Variants in CACNA1A observed in about 807,000 individuals in gnomAD.
The protein encoded by CACNA1A is calcium voltage-gated channel subunit alpha1 A, also known as voltage-dependent P/Q-type calcium channel subunit alpha-1A.
A neutral mutation model predicts 262.4 loss-of-function variants in CACNA1A; 57 were observed. The observed-to-expected ratio is 0.22, with a 90% CI of 0.18 to 0.27. CACNA1A has a LOEUF of 0.27. Ranked by LOEUF, CACNA1A falls within the 10% of genes least tolerant of loss-of-function variation. The pLI, the probability that CACNA1A is intolerant of heterozygous loss-of-function variation, is 1.00. For missense variants in CACNA1A, 2,526 were observed against 3,562.8 expected, an observed-to-expected ratio of 0.71 and a Z score of 7.41; for synonymous variants, 1,431 against 1,419.3, an observed-to-expected ratio of 1.01 and a Z score of -0.18.
chr19:13,398,976 T>C (rs971871776), intron 3 of CACNA1A, among the ~76,000 whole-genome samples: 1 of 152,064 alleles, frequency 6.6e-6, no homozygotes, highest in African/African-American at 2.4e-5. Context: ...CAGGAAACAA[T>C]ATTACATTCC....
intron 4 of CACNA1A, among the ~76,000 whole-genome samples, chr19:13,367,729 A>G (rs2059242541): frequency 6.6e-6 from 1 of 152,036 alleles, no homozygotes. Flanking sequence ...TTCCATCTCA[A>G]AAAGAAAGAA....
chr19:13,322,226 C>T (rs2058270526), intron 10 of CACNA1A, among the ~76,000 whole-genome samples: 1 of 144,870 alleles, frequency 6.9e-6, no homozygotes, highest in South Asian at 2.2e-4. Context: ...AAAAAGAAAT[C>T]GCATACAGAA....
At position 13,391,863 on chromosome 19, in the gene CACNA1A, C is replaced by G. The variant is rs369958687; in HGVS notation, c.540-20084G>C. On this transcript the variant is annotated intron_variant, in intron 3 of 46. Coordinates refer to ENST00000360228, the MANE Select transcript of CACNA1A (RefSeq NM_001127222.2). ...ACCAGCCTGGGCAACATGGTGAAACCTGGTCTCTACAAGAAGTACAAAAAT... is the reference window on the plus strand; with the variant it reads ...ACCAGCCTGGGCAACATGGTGAAACGTGGTCTCTACAAGAAGTACAAAAAT... Among the ~76,000 whole-genome samples, 29 of 151,934 alleles carry G rather than the reference C, an allele frequency of 1.9e-4. No homozygotes were observed. In the South Asian group the frequency reaches 5.6e-3, roughly 29 times the overall value.
rs776805898 is a variant in CACNA1A, at chr19:13,299,361, G to A, written c.2280-8C>T. On this transcript the variant is annotated splice_region_variant and splice_polypyrimidine_tract_variant and intron_variant, in intron 18 of 46. Coordinates refer to ENST00000360228, the MANE Select transcript of CACNA1A (RefSeq NM_001127222.2). ...TTCTTCTGTTGCTCTTTCCTGCAGTGGCATGGTCACAGGACTTAGAGCATT... is the reference window on the plus strand; with the variant it reads ...TTCTTCTGTTGCTCTTTCCTGCAGTAGCATGGTCACAGGACTTAGAGCATT... The A allele has an allele frequency of 1.3e-6, 2 of 1,598,570 alleles. No individual in the cohort carries two copies. The highest frequency in any genetic ancestry group is 1.7e-5 in the Admixed American group (1 of 59,978).
At chr19:13,393,813 T>TTCCCTCCCTCCTTC (rs1265391162) in intron 3 of CACNA1A, among the ~76,000 whole-genome samples, 1 of 93,116 alleles carries the variant, frequency 1.1e-5, no homozygotes, top group Non-Finnish European at 2.1e-5. Context: ...CTCCTTCCTC[T>TTCCCTCCCTCCTTC]CTCTCTCTCT....
chr19:13,455,992 A>C (rs1044828622), intron 1 of CACNA1A, among the ~76,000 whole-genome samples: 2 of 151,912 alleles, frequency 1.3e-5, no homozygotes, highest in African/African-American at 4.8e-5. Flanking sequence ...TCTACTAAAA[A>C]TACAAAAATT....
intron 6 of CACNA1A, among the ~76,000 whole-genome samples, chr19:13,338,379 G>A (rs1471146317): frequency 3.3e-5 from 5 of 152,134 alleles, no homozygotes; most frequent in African/African-American, 1.2e-4. Context: ...CCAACACCCA[G>A]TAATTCTTGG....
In CACNA1A at chr19:13,208,961, G is replaced by A. The variant is rs1325697290; in HGVS notation, c.6575C>T (p.Ser2192Leu). The A allele has an allele frequency of 2.7e-5, 42 of 1,537,486 alleles. No homozygotes were observed. Among genetic ancestry groups the A allele is most frequent in the Non-Finnish European group, 3.4e-5 (39 of 1,146,904 alleles). ...SMTTQSGDLP[S>L]KERDQERGRP... is the part of the protein sequence containing the mutation. ...GCCCCGCTCCTGGTCCCGCTCCTTC[G>A]ACGGCAGGTCCCCGGATTGGGTGGT... is the stretch of plus-strand genomic sequence containing the variant. The change falls in exon 46 of 47, where the codon TCG (serine) becomes TTG (leucine). Residue 2192 changes from serine to leucine, a missense_variant. Ser to Leu is a moderately radical substitution (Grantham distance 145, BLOSUM62 -2). This residue lies in a region of CACNA1A where 929 missense variants were observed against 868.1 expected (regional missense o/e 1.07). Transcript: ENST00000360228.
At chr19:13,280,637 A>G (rs949965323) in intron 22 of CACNA1A, among the ~76,000 whole-genome samples, 1 of 152,128 alleles carries the variant, frequency 6.6e-6, no homozygotes, top group African/African-American at 2.4e-5. Context: ...ATCTCAAAAC[A>G]GCATCATAAA....
chr19:13,359,757 T>G lies in CACNA1A; in HGVS notation c.827A>C (p.Glu276Ala). 6.4e-7 allele frequency: 1 copy of G among 1,556,198 alleles called. No homozygotes were observed. The highest frequency in any genetic ancestry group is 8.7e-7 in the Non-Finnish European group (1 of 1,149,320). The change falls in exon 6 of 47, where the codon GAG (glutamate) becomes GCG (alanine). Residue 276 changes from glutamate to alanine, a missense_variant. By Grantham distance (107) the Glu-to-Ala change is moderately radical. Transcript: ENST00000360228. ...GESPAPCGTE[E>A]PARTCPNGTK... The stretch of plus-strand genomic sequence containing the variant: ...CCCATTGGGGCAGGTGCGGGCGGGC[T>G]CTTCTGTCCCACATGGAGCCGGAGA...
intron 3 of CACNA1A, among the ~76,000 whole-genome samples, chr19:13,450,173 G>T (rs8102346): frequency 0.18 from 26,295 of 147,364 alleles, 2,740 homozygotes; most frequent in East Asian, 0.34. Flanking sequence ...GAGAAAGGTT[G>T]TGTTTTGATA....
intron 11 of CACNA1A, 34 bp from the exon 12 acceptor site, chr19:13,312,815 T>G (rs200017669): frequency 1.2e-4 from 128 of 1,089,326 alleles, no homozygotes; most frequent in Non-Finnish European, 1.6e-4. Flanking sequence ...GAGAGGAGGT[T>G]AGGCTTGCTG....
chr19:13,383,076 C>G (rs1213950896), intron 3 of CACNA1A, among the ~76,000 whole-genome samples: 1 of 152,166 alleles, frequency 6.6e-6, no homozygotes, highest in East Asian at 1.9e-4. Context: ...AAGAATGGCT[C>G]TGGTTCTGAA....
chr19:13,312,369 G>C (rs944306601), intron 12 of CACNA1A, among the ~76,000 whole-genome samples: 3 of 152,174 alleles, frequency 2.0e-5, no homozygotes, highest in African/African-American at 7.2e-5. Context: ...TACTTAGTTG[G>C]AGCGACACAG....
chr19:13,407,249 A>T (rs956464744), intron 3 of CACNA1A, among the ~76,000 whole-genome samples: 1 of 152,244 alleles, frequency 6.6e-6, no homozygotes, highest in African/African-American at 2.4e-5. Flanking sequence ...CAAGAAAGTA[A>T]GTTTCCTTTC....
intron 1 of CACNA1A, among the ~76,000 whole-genome samples, chr19:13,480,247 C>T (rs900439026): frequency 6.6e-6 from 1 of 152,182 alleles, no homozygotes. Context: ...TCTGCCACCC[C>T]TGAGACAACA....
At position 13,207,892 on chromosome 19, in the gene CACNA1A, CTGCTGCG is replaced by C; in HGVS notation, c.6935_6941del (p.Pro2312ArgfsTer294). On this transcript the variant is annotated frameshift_variant, in exon 47 of 47. Coordinates refer to ENST00000360228, the MANE Select transcript of CACNA1A (RefSeq NM_001127222.2). LOFTEE classifies it low-confidence loss of function (END_TRUNC). The surrounding 1 kb of genome is among the most constrained non-coding windows in gnomAD (Gnocchi z 5.7). ...GCTGCTGCTGCTGCTGCTGCTGCTG[CTGCTGCG>C]GGGGCCCCGAGCCGCCGGCCTTACG... 2 of 1,432,568 alleles carry C rather than the reference CTGCTGCG, an allele frequency of 1.4e-6. No homozygotes were observed. The highest frequency in any genetic ancestry group is 1.8e-6 in the Non-Finnish European group (2 of 1,089,976). 88.7% of individuals were successfully genotyped at this position (1,432,568 alleles called of 1,614,324 possible).
In CACNA1A at chr19:13,277,108, G is replaced by T; in HGVS notation, c.3843C>A (p.Tyr1281Ter). ...CAAAGGTAAAGACGCCTGTAAAAACGTAGTCAAAGTATCGCAGCACCTGTA... is the reference window on the plus strand; with the variant it reads ...CAAAGGTAAAGACGCCTGTAAAAACTTAGTCAAAGTATCGCAGCACCTGTA... ...PRNNVLRYFD[Y>*]VFTGVFTFEM... Residue 1281 changes from tyrosine (Y) to a stop codon, truncating the protein, a stop_gained, in exon 23 of 47, where the codon TAC (tyrosine) becomes TAA (stop). Coordinates refer to ENST00000360228, the MANE Select transcript of CACNA1A (RefSeq NM_001127222.2). LOFTEE classifies it high-confidence loss of function. 6.2e-7 allele frequency: 1 copy of T among 1,612,056 alleles called. No homozygotes were observed. The highest frequency in any genetic ancestry group is 1.3e-5 in the African/African-American group (1 of 74,988).
At chr19:13,504,238 C>CA (rs1310555364) in intron 1 of CACNA1A, among the ~76,000 whole-genome samples, 3 of 152,134 alleles carry the variant, frequency 2.0e-5, no homozygotes, top group African/African-American at 7.2e-5. Flanking sequence ...CTTCAATGGG[C>CA]CTGGGATGGT....
Sources: gnomAD v4.1 joint callset for allele counts (sites outside exome capture counted in the v4.1 genomes callset) on GRCh38, gnomAD v4.1.1 for gene constraint, gnomAD v4.1.1 regional missense constraint, Gnocchi (gnomAD v3.1) non-coding constraint, MANE v1.5 for transcripts, NCBI Gene and HGNC (gene_info 2026-07-23, HGNC 2026-07-21) for gene names.